Variants in BTBD8 observed in about 807,000 individuals in gnomAD.
BTBD8 encodes the protein BTB domain containing 8.
Under a neutral mutation model 162.9 loss-of-function variants are expected in BTBD8, and 110 were observed. The ratio of observed to expected loss-of-function variants is 0.68; its 90% confidence interval spans 0.58 to 0.79. The LOEUF (loss-of-function observed/expected upper bound fraction) is 0.79. Ranked by LOEUF, BTBD8 falls within the 30% of genes least tolerant of loss-of-function variation. The pLI, the probability that BTBD8 is intolerant of heterozygous loss-of-function variation, is 0.00. For synonymous variants in BTBD8, 667 were observed against 716.1 expected (o/e 0.93, Z 1.10); for missense variants, 1,905 against 2,085.4 (o/e 0.91, Z 1.68).
intron 1 of BTBD8, among the ~76,000 whole-genome samples, chr1:92,086,343 C>A (rs1332208964): frequency 6.6e-6 from 1 of 152,124 alleles, no homozygotes; most frequent in African/African-American, 2.4e-5. Context: ...AGACATGTTC[C>A]AAAATCTTTT....
Position 92,080,690 on chromosome 1 carries a change from T to A in BTBD8, c.119T>A (p.Val40Glu). ...GAGCGGCGCCGGCTGAAGGCGACGG[T>A]GTCGGAGCAGCTCAGCCAGGATTTG... is the stretch of plus-strand genomic sequence containing the variant. Reference protein sequence around the residue: ...PCERRRLKATVSEQLSQDLLR... With the variant: ...PCERRRLKATESEQLSQDLLR... Residue 40 changes from valine (V) to glutamate (E), a missense_variant, in exon 1 of 18, where the codon GTG (valine) becomes GAG (glutamate). Physicochemically the swap from Val to Glu is moderately radical, Grantham distance 121. Around this residue, in one of 3 missense-constraint regions of BTBD8, gnomAD observed 1,374 missense variants for 1,442.7 expected, o/e 0.95. Transcript: ENST00000636805. The A allele has an allele frequency of 6.2e-7, 1 of 1,612,562 alleles. No homozygotes were observed. Among genetic ancestry groups the A allele is most frequent in the East Asian group, 2.2e-5 (1 of 44,812 alleles).
intron 5 of BTBD8, among the ~76,000 whole-genome samples, chr1:92,135,459 C>T (rs890001307): frequency 3.9e-5 from 6 of 152,156 alleles, no homozygotes; most frequent in Non-Finnish European, 8.8e-5. Flanking sequence ...AGATCTTTGT[C>T]CTAAAATCGG....
intron 5 of BTBD8, among the ~76,000 whole-genome samples, chr1:92,130,983 C>T (rs776967370): frequency 6.6e-6 from 1 of 151,634 alleles, no homozygotes; most frequent in Admixed American, 6.6e-5. Context: ...GGATTACAGG[C>T]GTGAGCTACT....
At chr1:92,125,694 G>A in intron 4 of BTBD8, 1 of 386,880 alleles carries the variant, frequency 2.6e-6, no homozygotes, top group South Asian at 2.3e-5. Flanking sequence ...CCATTATAAG[G>A]CAATGTCTTT....
At chr1:92,083,743 CAAG>C (rs1171254019) in intron 1 of BTBD8, among the ~76,000 whole-genome samples, 1 of 152,014 alleles carries the variant, frequency 6.6e-6, no homozygotes. Context: ...AAATTGGAAA[CAAG>C]GAGACCAGCT....
chr1:92,130,519 A>AAT (rs1207951505), intron 5 of BTBD8, among the ~76,000 whole-genome samples: 35 of 67,260 alleles, frequency 5.2e-4, no homozygotes, highest in Admixed American at 2.1e-3. Flanking sequence ...TCTCAAAAAA[A>AAT]ATATATATAT....
intron 4 of BTBD8, among the ~76,000 whole-genome samples, chr1:92,121,407 T>C (rs1404678873): frequency 6.6e-6 from 1 of 152,244 alleles, no homozygotes; most frequent in African/African-American, 2.4e-5. Flanking sequence ...TAAAATGAAC[T>C]GTGAAGTATT....
At chr1:92,167,368 A>G (rs1038014497) in intron 10 of BTBD8, among the ~76,000 whole-genome samples, 1 of 152,248 alleles carries the variant, frequency 6.6e-6, no homozygotes, top group Non-Finnish European at 1.5e-5. Flanking sequence ...GGCAAGGCAC[A>G]GTGTAATTCT....
chr1:92,131,797 C>T (rs1270919882), intron 5 of BTBD8, among the ~76,000 whole-genome samples: 1 of 151,684 alleles, frequency 6.6e-6, no homozygotes, highest in East Asian at 1.9e-4. Context: ...GTGAGGTCAA[C>T]ATAGGGCCTC....
intron 1 of BTBD8, among the ~76,000 whole-genome samples, chr1:92,084,210 C>T (rs1452850171): frequency 1.3e-5 from 2 of 152,154 alleles, no homozygotes; most frequent in Non-Finnish European, 2.9e-5. Context: ...GTAGTTTTCT[C>T]ATCTTCATTC....
At chr1:92,091,400 C>G (rs569643091) in intron 2 of BTBD8, among the ~76,000 whole-genome samples, 1 of 152,122 alleles carries the variant, frequency 6.6e-6, no homozygotes, top group African/African-American at 2.4e-5. Context: ...TTATAAATTA[C>G]GCTGTCTCAG....
intron 1 of BTBD8, among the ~76,000 whole-genome samples, chr1:92,087,850 C>A (rs1314699723): frequency 1.3e-5 from 2 of 152,040 alleles, no homozygotes; most frequent in Non-Finnish European, 2.9e-5. Context: ...TACAGAAGTC[C>A]TCTGAGAATG....
intron 9 of BTBD8, among the ~76,000 whole-genome samples, chr1:92,155,388 A>G (rs1650138243): frequency 6.6e-6 from 1 of 152,088 alleles, no homozygotes; most frequent in Non-Finnish European, 1.5e-5. Flanking sequence ...ATCCATGAGT[A>G]CTGCATGTCT....
intron 4 of BTBD8, among the ~76,000 whole-genome samples, chr1:92,121,625 C>T (rs1160119148): frequency 6.6e-6 from 1 of 152,002 alleles, no homozygotes; most frequent in African/African-American, 2.4e-5. Flanking sequence ...AAGTCCAGTT[C>T]TATGAATTTT....
chr1:92,118,998 C>T (rs1356583047), intron 4 of BTBD8, among the ~76,000 whole-genome samples: 1 of 151,354 alleles, frequency 6.6e-6, no homozygotes, highest in Non-Finnish European at 1.5e-5. Context: ...ACATGGGGCA[C>T]TTACTGTGAA....
In BTBD8 at chr1:92,180,303, G is replaced by A; in HGVS notation, c.2620G>A (p.Val874Ile). The A allele has an allele frequency of 6.5e-7, 1 of 1,547,586 alleles. No homozygotes were observed. Among genetic ancestry groups the A allele is most frequent in the Non-Finnish European group, 8.7e-7 (1 of 1,145,970 alleles). ...GTCACCAAACTCAGTAAAATCTTCA[G>A]TCTCTTCAAGGCAGTCTGATGAAAA... Reference protein sequence around the residue: ...GESPNSVKSSVSSRQSDENVA... With the variant: ...GESPNSVKSSISSRQSDENVA... Residue 874 changes from valine to isoleucine, a missense_variant, in exon 17 of 18, where the codon GTC becomes ATC. Coordinates refer to ENST00000636805, the MANE Select transcript of BTBD8 (RefSeq NM_001376131.1).
chr1:92,182,298 A>G lies in BTBD8; in HGVS notation c.4615A>G (p.Ile1539Val), dbSNP rs1298136000. 2 of 1,551,512 alleles carry G rather than the reference A, an allele frequency of 1.3e-6. No homozygotes were observed. The highest frequency in any genetic ancestry group is 2.0e-5 in the Admixed American group (1 of 50,982). ...TTCAGCCACAGAAAAAAAGAACACA[A>G]TAGACGTCCTATCCAGTAGAAGCAG... ...SVSATEKKNT[I>V]DVLSSRSRQL... Residue 1539 changes from isoleucine (I) to valine (V), a missense_variant, in exon 17 of 18, where the codon ATA becomes GTA. Physicochemically the swap from Ile to Val is conservative, Grantham distance 29. Transcript: ENST00000636805.
At chr1:92,173,774 G>A (rs895281260) in intron 13 of BTBD8, among the ~76,000 whole-genome samples, 12 of 152,134 alleles carry the variant, frequency 7.9e-5, no homozygotes, top group Non-Finnish European at 1.5e-4. Context: ...ATAAAACCTA[G>A]CAGGATTATT....
At chr1:92,166,358 C>CA (rs1039088743) in intron 9 of BTBD8, among the ~76,000 whole-genome samples, 1 of 151,068 alleles carries the variant, frequency 6.6e-6, no homozygotes, top group Non-Finnish European at 1.5e-5. Context: ...TTAGGGAACT[C>CA]AAATTTTTCT....
Sources: allele counts gnomAD v4.1 joint callset (sites outside exome capture counted in the v4.1 genomes callset), GRCh38; gene constraint gnomAD v4.1.1; regional missense constraint gnomAD v4.1.1; transcripts MANE v1.5; gene names NCBI Gene and HGNC (gene_info 2026-07-23, HGNC 2026-07-21).